GNA14: variants seen among roughly 807,000 people sequenced by gnomAD.
GNA14 encodes the protein guanine nucleotide-binding protein subunit alpha-14.
GNA14 carries 50 observed loss-of-function variants against 42.0 expected under a neutral mutation model. That is an observed-to-expected ratio of 1.19 (90% CI 0.95 to 1.51). The LOEUF is 1.51. GNA14 is among the 40% of genes most tolerant of loss of function. GNA14 has a pLI of 0.00. For missense variants in GNA14, 473 were observed against 446.2 expected (o/e 1.06, Z -0.54); for synonymous variants, 173 against 163.1 (o/e 1.06, Z -0.46).
intron 2 of GNA14, among the ~76,000 whole-genome samples, chr9:77,467,650 CTTT>C (rs3052383): frequency 0.33 from 45,452 of 139,552 alleles, 7,348 homozygotes; most frequent in East Asian, 0.45. Flanking sequence ...CGGAGCTCTC[CTTT>C]TTTTTTTTTT....
chr9:77,533,726 C>T (rs1837559997), intron 1 of GNA14, among the ~76,000 whole-genome samples: 1 of 152,176 alleles, frequency 6.6e-6, no homozygotes, highest in Non-Finnish European at 1.5e-5. Context: ...GATCCTCTGC[C>T]TCCCCTCTCC....
intron 5 of GNA14, among the ~76,000 whole-genome samples, chr9:77,427,607 C>T (rs76396574): frequency 1.2e-4 from 19 of 152,302 alleles, no homozygotes; most frequent in Admixed American, 3.3e-4. Flanking sequence ...GAAAAGATGA[C>T]GAGGAGGACA....
At chr9:77,526,477 T>A (rs1013708255) in intron 2 of GNA14, 2 of 149,762 alleles carry the variant, frequency 1.3e-5, no homozygotes, top group Non-Finnish European at 3.0e-5. Context: ...TCGACCCTAA[T>A]CCAGCGACTG....
Position 77,461,963 on chromosome 9 carries a change from TTTG to T in GNA14, c.310-27444_310-27442del, listed in dbSNP as rs199552877. ...TATATAATTGCTTTCTACACGCTTT[TTTG>T]TTGTTGTTGAGAAACCGCTATTAGG... On this transcript the variant is annotated intron_variant, in intron 2 of 6. Coordinates refer to ENST00000341700, the MANE Select transcript of GNA14 (RefSeq NM_004297.4). Among the ~76,000 whole-genome samples the T allele has an allele frequency of 8.2e-4, 125 of 152,282 alleles. 1 individual carries two copies. In the East Asian group the frequency reaches 0.02, roughly 24 times the overall value.
chr9:77,576,459 G>A (rs1299796751), intron 1 of GNA14, among the ~76,000 whole-genome samples: 4 of 152,070 alleles, frequency 2.6e-5, no homozygotes, highest in Non-Finnish European at 5.9e-5. Flanking sequence ...TGACTTTTTT[G>A]AGGAAAAGCC....
intron 1 of GNA14, among the ~76,000 whole-genome samples, chr9:77,548,863 C>T (rs371750739): frequency 8.5e-5 from 13 of 152,328 alleles, no homozygotes; most frequent in East Asian, 5.8e-4. Context: ...GAAGTGTGGA[C>T]CCAGAGATCC....
intron 2 of GNA14, among the ~76,000 whole-genome samples, chr9:77,480,626 C>G (rs527667334): frequency 3.9e-5 from 6 of 152,168 alleles, no homozygotes; most frequent in African/African-American, 1.4e-4. Flanking sequence ...AGGAATGGTA[C>G]CAGCTCCTCC....
At chr9:77,561,611 C>T (rs1182894141) in intron 1 of GNA14, among the ~76,000 whole-genome samples, 4 of 152,036 alleles carry the variant, frequency 2.6e-5, no homozygotes, top group Non-Finnish European at 5.9e-5. Context: ...CACAAAAGGG[C>T]AAATATTATA....
chr9:77,504,548 A>AAGAG lies in GNA14; in HGVS notation c.309+24517_309+24520dup, dbSNP rs10559406. On this transcript the variant is annotated intron_variant, in intron 2 of 6. Coordinates refer to ENST00000341700, the MANE Select transcript of GNA14 (RefSeq NM_004297.4). ...ATCTCCCTTTCTTTAAAAAAAAAAA[A>AAGAG]AGAGAGAGAGAGAGAGAGAGAGAAA... 3.4e-3 allele frequency among the ~76,000 whole-genome samples: 493 copies of AAGAG among 145,080 alleles called. 9 individuals carry two copies. The highest frequency in any genetic ancestry group is 0.03 in the Admixed American group (432 of 14,614).
intron 2 of GNA14, among the ~76,000 whole-genome samples, chr9:77,439,651 T>C (rs1009289739): frequency 1.8e-4 from 26 of 142,216 alleles, no homozygotes; most frequent in African/African-American, 6.0e-4. Context: ...ATAATAATAA[T>C]GATGATGACC....
intron 2 of GNA14, among the ~76,000 whole-genome samples, chr9:77,498,122 C>G (rs908542235): frequency 2.0e-5 from 3 of 152,038 alleles, no homozygotes; most frequent in African/African-American, 7.2e-5. Context: ...GCCTGTAATC[C>G]CAGCACTTTG....
intron 2 of GNA14, among the ~76,000 whole-genome samples, chr9:77,482,855 G>A (rs546244229): frequency 6.6e-6 from 1 of 152,248 alleles, no homozygotes; most frequent in South Asian, 2.1e-4. Context: ...ATCAGCTCCT[G>A]AGGCTTCTGC....
chr9:77,620,387 T>C (rs1347395162), intron 1 of GNA14, among the ~76,000 whole-genome samples: 5 of 152,118 alleles, frequency 3.3e-5, no homozygotes, highest in Non-Finnish European at 7.4e-5. Context: ...AGTTTAAAAG[T>C]ATTAAAGGGA....
chr9:77,466,563 G>A (rs568439728), intron 2 of GNA14, among the ~76,000 whole-genome samples: 2 of 152,260 alleles, frequency 1.3e-5, no homozygotes, highest in Admixed American at 1.3e-4. Flanking sequence ...CATAATAGCT[G>A]CTTTGAAGTT....
chr9:77,510,404 C>T (rs567958206), intron 2 of GNA14, among the ~76,000 whole-genome samples: 27 of 152,274 alleles, frequency 1.8e-4, no homozygotes, highest in Non-Finnish European at 3.4e-4. Context: ...GGTGCAATCT[C>T]GGCTCACTGC....
chr9:77,558,856 G>C (rs978185039), intron 1 of GNA14, among the ~76,000 whole-genome samples: 5 of 149,650 alleles, frequency 3.3e-5, no homozygotes, highest in African/African-American at 9.8e-5. Context: ...AAGCAATTTC[G>C]AAACACCTGA....
At chr9:77,610,891 T>G (rs1673560976) in intron 1 of GNA14, among the ~76,000 whole-genome samples, 1 of 152,228 alleles carries the variant, frequency 6.6e-6, no homozygotes, top group Non-Finnish European at 1.5e-5. Flanking sequence ...CTCTCATTTG[T>G]GTGAAAGGGG....
chr9:77,570,005 T>G (rs1791335406), intron 1 of GNA14, among the ~76,000 whole-genome samples: 1 of 152,112 alleles, frequency 6.6e-6, no homozygotes, highest in South Asian at 2.1e-4. Flanking sequence ...GACCTCGTGA[T>G]CCGCTTGCCT....
At chr9:77,428,266 A>G (rs1022870255) in intron 5 of GNA14, among the ~76,000 whole-genome samples, 3 of 151,838 alleles carry the variant, frequency 2.0e-5, no homozygotes, top group Non-Finnish European at 2.9e-5. Flanking sequence ...TTTTTAGTAG[A>G]GACGGGGTTT....
Sources: gnomAD v4.1 joint callset for allele counts (sites outside exome capture counted in the v4.1 genomes callset) on GRCh38, gnomAD v4.1.1 for gene constraint, MANE v1.5 for transcripts, NCBI Gene and HGNC (gene_info 2026-07-23, HGNC 2026-07-21) for gene names.